The following FMNL2 variants were observed in gnomAD, a reference collection of about 807,000 sequenced individuals.
FMNL2 encodes formin-like protein 2.
In FMNL2, 51 loss-of-function variants were observed where a neutral mutation model predicts 130.2. That is an observed-to-expected ratio of 0.39 (90% CI 0.31 to 0.49). The LOEUF is 0.49. Among genes scored for constraint, FMNL2 ranks in the 20% least tolerant of loss-of-function variants. The pLI is 0.85. For missense variants in FMNL2, 977 were observed against 1,316.2 expected (o/e 0.74, Z 3.99); for synonymous variants, 465 against 467.1 (o/e 1.00, Z 0.06).
At chr2:152,502,180 C>G (rs1691879551) in intron 1 of FMNL2, among the ~76,000 whole-genome samples, 1 of 152,148 alleles carries the variant, frequency 6.6e-6, no homozygotes, top group African/African-American at 2.4e-5. Context: ...TTCTCTCTTC[C>G]CATTCAAATA....
chr2:152,437,810 G>C (rs573765648), intron 1 of FMNL2, among the ~76,000 whole-genome samples: 10 of 152,164 alleles, frequency 6.6e-5, no homozygotes, highest in Admixed American at 3.3e-4. Context: ...TTATATAGTT[G>C]GTCTTTGAAT....
chr2:152,389,945 A>G, intron 1 of FMNL2: 1 of 1,192,330 alleles, frequency 8.4e-7, no homozygotes, highest in Non-Finnish European at 1.2e-6. Context: ...AAGGAAGCCA[A>G]GTCAGAGACC....
At chr2:152,607,113 T>C (rs1277867713) in intron 9 of FMNL2, among the ~76,000 whole-genome samples, 3 of 151,718 alleles carry the variant, frequency 2.0e-5, no homozygotes, top group Non-Finnish European at 4.4e-5. Context: ...ACATTTGATA[T>C]GGATTTCAAA....
intron 2 of FMNL2, among the ~76,000 whole-genome samples, chr2:152,541,223 C>T (rs1394404679): frequency 6.6e-6 from 1 of 151,998 alleles, no homozygotes; most frequent in African/African-American, 2.4e-5. Flanking sequence ...GTGGCACGAT[C>T]AGGGCTCACT....
At chr2:152,608,715 T>G (rs1035689720) in intron 10 of FMNL2, among the ~76,000 whole-genome samples, 2 of 152,064 alleles carry the variant, frequency 1.3e-5, no homozygotes, top group African/African-American at 4.8e-5. Flanking sequence ...GATTGGTGCC[T>G]TGTCTCATGA....
chr2:152,460,867 A>G (rs1385373159), intron 1 of FMNL2, among the ~76,000 whole-genome samples: 1 of 152,156 alleles, frequency 6.6e-6, no homozygotes, highest in Non-Finnish European at 1.5e-5. Flanking sequence ...GCTCCCATTG[A>G]TTCTACATTA....
chr2:152,509,242 CT>C (rs1349665474), intron 1 of FMNL2, among the ~76,000 whole-genome samples: 1 of 152,134 alleles, frequency 6.6e-6, no homozygotes, highest in Non-Finnish European at 1.5e-5. Flanking sequence ...AGAGGTACTT[CT>C]TATTGAGGTA....
chr2:152,514,795 G>A (rs1692671097), intron 1 of FMNL2, among the ~76,000 whole-genome samples: 1 of 152,016 alleles, frequency 6.6e-6, no homozygotes, highest in African/African-American at 2.4e-5. Flanking sequence ...TGTTCTCCAC[G>A]AACCTATTTT....
At chr2:152,596,921 C>T (rs924302935) in intron 9 of FMNL2, among the ~76,000 whole-genome samples, 8 of 152,198 alleles carry the variant, frequency 5.3e-5, no homozygotes, top group South Asian at 2.1e-4. Flanking sequence ...GAAATCGTAT[C>T]GATGAACTTT....
At chr2:152,360,916 G>A (rs1347569696) in intron 1 of FMNL2, among the ~76,000 whole-genome samples, 1 of 152,062 alleles carries the variant, frequency 6.6e-6, no homozygotes, top group East Asian at 1.9e-4. Context: ...TTTACTCTTT[G>A]GATTTGTTTA....
chr2:152,571,363 C>G (rs1348695612), intron 6 of FMNL2, among the ~76,000 whole-genome samples: 1 of 152,164 alleles, frequency 6.6e-6, no homozygotes, highest in East Asian at 1.9e-4. Flanking sequence ...CTAAATAAAG[C>G]TCATGTGTGC....
chr2:152,516,004 C>A (rs1012023730), intron 1 of FMNL2, among the ~76,000 whole-genome samples: 1 of 152,140 alleles, frequency 6.6e-6, no homozygotes, highest in South Asian at 2.1e-4. Flanking sequence ...TAGTCTAATT[C>A]CAGAGCCCAA....
intron 1 of FMNL2, among the ~76,000 whole-genome samples, chr2:152,462,160 G>T (rs1182431803): frequency 6.6e-6 from 1 of 152,114 alleles, no homozygotes; most frequent in Non-Finnish European, 1.5e-5. Flanking sequence ...CTTGGGCCTG[G>T]CCACCTACGT....
intron 1 of FMNL2, among the ~76,000 whole-genome samples, chr2:152,351,237 C>T (rs1374328403): frequency 2.6e-5 from 4 of 152,234 alleles, no homozygotes; most frequent in Non-Finnish European, 4.4e-5. Context: ...ATGTGCAGAA[C>T]GTGCAGGTTT....
intron 1 of FMNL2, among the ~76,000 whole-genome samples, chr2:152,385,159 G>A (rs1190709842): frequency 1.3e-5 from 2 of 152,232 alleles, no homozygotes; most frequent in Non-Finnish European, 2.9e-5. Flanking sequence ...AGAGTTAACA[G>A]TGACCCTTGA....
At chr2:152,345,445 G>A (rs1560283162) in intron 1 of FMNL2, among the ~76,000 whole-genome samples, 1 of 152,128 alleles carries the variant, frequency 6.6e-6, no homozygotes. Flanking sequence ...TTTGCACCAT[G>A]GCAACACTCA....
chr2:152,431,592 T>G (rs960448187), intron 1 of FMNL2, among the ~76,000 whole-genome samples: 5 of 152,188 alleles, frequency 3.3e-5, no homozygotes, highest in Non-Finnish European at 5.9e-5. Context: ...TATGTTAAAG[T>G]GCCCTAATTT....
intron 1 of FMNL2, among the ~76,000 whole-genome samples, chr2:152,341,307 AT>A (rs1363971035): frequency 1.3e-5 from 2 of 152,134 alleles, no homozygotes; most frequent in Admixed American, 1.3e-4. Flanking sequence ...ATCAGGATGC[AT>A]TTTTTCCTCC....
chr2:152,629,168 G>C (rs1035765798), intron 18 of FMNL2, among the ~76,000 whole-genome samples: 3 of 152,148 alleles, frequency 2.0e-5, no homozygotes, highest in Non-Finnish European at 2.9e-5. Context: ...TCTGTTTCTA[G>C]ATAAATTTGT....
Sources: allele counts gnomAD v4.1 joint callset (sites outside exome capture counted in the v4.1 genomes callset), GRCh38; gene constraint gnomAD v4.1.1; transcripts MANE v1.5; gene names NCBI Gene and HGNC (gene_info 2026-07-23, HGNC 2026-07-21).